USP12: variants seen among roughly 807,000 people sequenced by gnomAD.
USP12 encodes the protein ubiquitin specific peptidase 12, also known as ubiquitin carboxyl-terminal hydrolase 12.
In USP12, 19 loss-of-function variants were observed where a neutral mutation model predicts 45.5. That is an observed-to-expected ratio of 0.42 (90% CI 0.29 to 0.61). The LOEUF (loss-of-function observed/expected upper bound fraction) is 0.61. Among genes scored for constraint, USP12 ranks in the 20% least tolerant of loss-of-function variants. The pLI, the probability that USP12 is intolerant of heterozygous loss-of-function variation, is 0.22. For missense variants in USP12, 242 were observed against 447.7 expected, an observed-to-expected ratio of 0.54 and a Z score of 4.15; for synonymous variants, 149 against 148.8, an observed-to-expected ratio of 1.00 and a Z score of -0.01.
chr13:27,079,763 C>T (rs1873664316), intron 6 of USP12, among the ~76,000 whole-genome samples: 1 of 152,186 alleles, frequency 6.6e-6, no homozygotes, highest in Admixed American at 6.5e-5. Flanking sequence ...CAGATGAATG[C>T]AATACCCCAG....
At chr13:27,086,407 T>C (rs1874050037) in intron 6 of USP12, among the ~76,000 whole-genome samples, 2 of 151,542 alleles carry the variant, frequency 1.3e-5, no homozygotes, top group Non-Finnish European at 2.9e-5. Flanking sequence ...TAAAGTTTGA[T>C]AGCATTTTAG....
intron 1 of USP12, among the ~76,000 whole-genome samples, chr13:27,137,051 A>G (rs1876837856): frequency 6.6e-6 from 1 of 152,260 alleles, no homozygotes; most frequent in Admixed American, 6.5e-5. Flanking sequence ...TAACTGCCAA[A>G]TAAGTGACAA....
chr13:27,157,993 T>C (rs1030902544), intron 1 of USP12, among the ~76,000 whole-genome samples: 1 of 152,236 alleles, frequency 6.6e-6, no homozygotes, highest in Non-Finnish European at 1.5e-5. Flanking sequence ...TTGACATTAA[T>C]TGCAATGGAC....
chr13:27,102,022 T>C (rs914394268), intron 3 of USP12, among the ~76,000 whole-genome samples: 6 of 151,940 alleles, frequency 3.9e-5, no homozygotes, highest in Admixed American at 1.3e-4. Flanking sequence ...AATGAATGAA[T>C]GAATGAATGA....
chr13:27,167,007 C>T (rs17085270), intron 1 of USP12, among the ~76,000 whole-genome samples: 8,994 of 152,164 alleles, frequency 0.059, 283 homozygotes, highest in Admixed American at 0.088. Context: ...CAGTGTAAAA[C>T]TATATCTAGG....
chr13:27,135,676 C>A (rs1428444870), intron 1 of USP12, among the ~76,000 whole-genome samples: 1 of 152,108 alleles, frequency 6.6e-6, no homozygotes, highest in African/African-American at 2.4e-5. Flanking sequence ...GATTGCGCCA[C>A]TGCACTCCAG....
Position 27,069,297 on chromosome 13 carries a change from G to A in USP12, c.1099C>T (p.Gln367Ter). The change falls in exon 9 of 9, where the codon CAG becomes TAG. Residue 367 changes from glutamine to a stop codon, truncating the protein, a stop_gained. Coordinates refer to ENST00000282344, the MANE Select transcript of USP12 (RefSeq NM_182488.4). LOFTEE classifies it high-confidence loss of function. Reference protein sequence around the residue: ...NSESGYILFYQSRD With the variant: ...NSESGYILFY Reference sequence around the variant, plus strand: ...ACGGTTCCCTCTCAGTCCCGAGACTGATAGAAAAGGATGTAACCAGACTCA... The same window carrying A: ...ACGGTTCCCTCTCAGTCCCGAGACTAATAGAAAAGGATGTAACCAGACTCA... 1 of 1,611,468 alleles carries A rather than the reference G, an allele frequency of 6.2e-7. No homozygotes were observed. The highest frequency in any genetic ancestry group is 1.3e-5 in the African/African-American group (1 of 74,972).
In USP12 at chr13:27,090,063, T is replaced by G. The variant is rs1286094402; in HGVS notation, c.650+19A>C. 1 of 1,579,702 alleles carries G rather than the reference T, an allele frequency of 6.3e-7. No homozygotes were observed. The highest frequency in any genetic ancestry group is 8.6e-7 in the Non-Finnish European group (1 of 1,158,034). ...TAAAAATAATTATTAAATTTCAAAC[T>G]AAATAATTCTACATATACCTTAAGC... On this transcript the variant is annotated intron_variant, in intron 5 of 8. Transcript: ENST00000282344.
rs570645919 is a variant in USP12, at chr13:27,121,704, A to C, written c.49-5108T>G. On this transcript the variant is annotated intron_variant, in intron 1 of 8. Coordinates refer to ENST00000282344, the MANE Select transcript of USP12 (RefSeq NM_182488.4). ...GTGAAACCCCGTCTCTACTAAAAAT[A>C]CAAAAAATTAGGTGGGCATGGTGGC... 3.3e-5 allele frequency among the ~76,000 whole-genome samples: 5 copies of C among 152,130 alleles called. No homozygotes were observed. The South Asian group carries it at 1.0e-3, about 32-fold the overall frequency.
intron 1 of USP12, among the ~76,000 whole-genome samples, chr13:27,144,435 C>A (rs1188323578): frequency 1.4e-5 from 2 of 146,060 alleles, no homozygotes; most frequent in Non-Finnish European, 3.0e-5. Flanking sequence ...GTCAAGACTG[C>A]AGTGAGCTAT....
At chr13:27,069,652 A>C (rs1814980924) in intron 8 of USP12, among the ~76,000 whole-genome samples, 1 of 152,234 alleles carries the variant, frequency 6.6e-6, no homozygotes, top group African/African-American at 2.4e-5. Context: ...GGACCAACAA[A>C]ATGGTAACTT....
In USP12 at chr13:27,125,929, G is replaced by A. The variant is rs1876212579; in HGVS notation, c.49-9333C>T. ...GGGGCGTCCGCCATTGCTGAGGCTT[G>A]AGTAGGTGGTTCTGTGCTTACAGCA... On this transcript the variant is annotated intron_variant, in intron 1 of 8. Transcript: ENST00000282344. 7.9e-5 allele frequency among the ~76,000 whole-genome samples: 12 copies of A among 152,272 alleles called. No homozygotes were observed. In the South Asian group the frequency reaches 2.5e-3, roughly 31 times the overall value.
chr13:27,107,441 T>G (rs555386728), intron 2 of USP12, among the ~76,000 whole-genome samples: 2 of 152,292 alleles, frequency 1.3e-5, no homozygotes, highest in South Asian at 2.1e-4. Flanking sequence ...GAACCAAAAT[T>G]TTTAATGTAA....
chr13:27,125,747 C>T (rs1036184722), intron 1 of USP12, among the ~76,000 whole-genome samples: 1 of 152,238 alleles, frequency 6.6e-6, no homozygotes, highest in African/African-American at 2.4e-5. Context: ...GGGTACACTA[C>T]TGCCCAAATA....
rs902764516 is a variant in USP12, at chr13:27,068,012, T to A, written c.*1271A>T. On this transcript the variant is annotated 3_prime_UTR_variant, in exon 9 of 9. Coordinates refer to ENST00000282344, the MANE Select transcript of USP12 (RefSeq NM_182488.4). ...ACCCTTCCAGTAAGATTTGTAAAGG[T>A]GGGGGGAAGGGAAGGAAGGACTTGT... 3.9e-5 allele frequency: 6 copies of A among 152,032 alleles called. No homozygotes were observed. Among genetic ancestry groups the A allele is most frequent in the African/African-American group, 1.2e-4 (5 of 41,384 alleles). The allele number at this position is 152,032 out of a possible 1,614,324, so 9.4% of individuals were successfully genotyped here. A position where few individuals can be genotyped will look rare whatever the true frequency, so the allele number is the denominator to read the frequency against.
intron 1 of USP12, among the ~76,000 whole-genome samples, chr13:27,142,379 T>C (rs1192554646): frequency 6.6e-6 from 1 of 152,206 alleles, no homozygotes; most frequent in African/African-American, 2.4e-5. Context: ...ATATAATGCA[T>C]GATCATCTTT....
intron 1 of USP12, among the ~76,000 whole-genome samples, chr13:27,148,064 G>A (rs946399207): frequency 6.6e-6 from 1 of 151,972 alleles, no homozygotes; most frequent in Non-Finnish European, 1.5e-5. Context: ...AAGAGGTTGA[G>A]GCTGCAGTGA....
At chr13:27,171,540 C>G in intron 1 of USP12, 52 bp downstream of exon 1, 1 of 1,139,308 alleles carries the variant, frequency 8.8e-7, no homozygotes, top group South Asian at 1.8e-5. Context: ...CAGCGCCGCC[C>G]GCCCGCCCGA....
chr13:27,074,672 G>A (rs372550949), intron 7 of USP12, among the ~76,000 whole-genome samples: 5 of 152,140 alleles, frequency 3.3e-5, no homozygotes, highest in South Asian at 2.1e-4. Flanking sequence ...AGGTATGTAC[G>A]TTCATACAGA....
Sources: gnomAD v4.1 joint callset for allele counts (sites outside exome capture counted in the v4.1 genomes callset) on GRCh38, gnomAD v4.1.1 for gene constraint, MANE v1.5 for transcripts, NCBI Gene and HGNC (gene_info 2026-07-23, HGNC 2026-07-21) for gene names.